The following MAF variants were observed in gnomAD, a reference collection of about 807,000 sequenced individuals.
The protein encoded by MAF is MAF bZIP transcription factor, also known as transcription factor Maf.
MAF carries 10 observed loss-of-function variants against 22.0 expected under a neutral mutation model. That is an observed-to-expected ratio of 0.45 (90% CI 0.28 to 0.77). MAF has a LOEUF of 0.77. Among genes scored for constraint, MAF ranks in the 30% least tolerant of loss-of-function variants. The probability of loss-of-function intolerance (pLI) is 0.12; values close to 1 mark genes in which losing one functional copy is unlikely to be tolerated. For missense variants in MAF, 544 were observed against 548.4 expected, an observed-to-expected ratio of 0.99 and a Z score of 0.08; for synonymous variants, 337 against 255.8, an observed-to-expected ratio of 1.32 and a Z score of -3.03.
chr16:79,338,328 G>A, the MAF span, among the ~76,000 whole-genome samples: 1 of 152,170 alleles, frequency 6.6e-6, no homozygotes, highest in South Asian at 2.1e-4. Flanking sequence ...GTCACAGAGT[G>A]AGATCTCTAC....
At chr16:79,356,621 A>T in the MAF span, among the ~76,000 whole-genome samples, 1 of 151,896 alleles carries the variant, frequency 6.6e-6, no homozygotes, top group Non-Finnish European at 1.5e-5. Flanking sequence ...TTCCTTCACC[A>T]TTCACTCCAC....
At chr16:79,351,054 C>T in the MAF span, among the ~76,000 whole-genome samples, 1 of 152,134 alleles carries the variant, frequency 6.6e-6, no homozygotes, top group Non-Finnish European at 1.5e-5. Context: ...GAAGCCTGAT[C>T]CTTGCTCTGC....
chr16:79,587,216 G>A (rs1912901074), intron 1 of MAF, among the ~76,000 whole-genome samples: 1 of 152,062 alleles, frequency 6.6e-6, no homozygotes, highest in African/African-American at 2.4e-5. Context: ...GTATAGAAAT[G>A]CTTTTCAAAT....
chr16:79,535,997 T>C, the MAF span, among the ~76,000 whole-genome samples: 2 of 152,234 alleles, frequency 1.3e-5, no homozygotes, highest in Non-Finnish European at 2.9e-5. Flanking sequence ...TGGCAGTATT[T>C]ATAGAATCAG....
the MAF span, among the ~76,000 whole-genome samples, chr16:79,344,729 T>C: frequency 2.6e-5 from 4 of 152,226 alleles, no homozygotes; most frequent in Admixed American, 2.6e-4. Flanking sequence ...GGTTATACCA[T>C]CCTGTTTATT....
At chr16:79,269,528 C>G in the MAF span, among the ~76,000 whole-genome samples, 1 of 152,080 alleles carries the variant, frequency 6.6e-6, no homozygotes, top group South Asian at 2.1e-4. Context: ...TGTCACCAGG[C>G]TTTAAAAAAA....
the MAF span, among the ~76,000 whole-genome samples, chr16:79,346,623 T>C: frequency 1.3e-5 from 2 of 152,140 alleles, no homozygotes; most frequent in Non-Finnish European, 2.9e-5. Flanking sequence ...TTCATTTTAT[T>C]ATTTGAGGTG....
chr16:79,508,369 C>G, the MAF span, among the ~76,000 whole-genome samples: 1 of 152,180 alleles, frequency 6.6e-6, no homozygotes, highest in Non-Finnish European at 1.5e-5. Flanking sequence ...CTCCTTCCCT[C>G]TCTGTGGGGT....
At chr16:79,525,220 G>C in the MAF span, among the ~76,000 whole-genome samples, 5 of 151,908 alleles carry the variant, frequency 3.3e-5, no homozygotes, top group African/African-American at 1.2e-4. Flanking sequence ...ATTTTAATCA[G>C]GCACTTAAAA....
the MAF span, among the ~76,000 whole-genome samples, chr16:79,259,524 C>A: frequency 6.6e-6 from 1 of 152,160 alleles, no homozygotes; most frequent in Admixed American, 6.5e-5. Context: ...TCCTTCATGG[C>A]CACACACATC....
the MAF span, among the ~76,000 whole-genome samples, chr16:79,429,306 G>C: frequency 6.6e-6 from 1 of 152,160 alleles, no homozygotes; most frequent in African/African-American, 2.4e-5. Flanking sequence ...TGCTGGCAGA[G>C]AATTAACAGG....
the MAF span, among the ~76,000 whole-genome samples, chr16:79,570,604 G>A: frequency 6.6e-6 from 1 of 152,192 alleles, no homozygotes; most frequent in African/African-American, 2.4e-5. Flanking sequence ...CTCACGCAAT[G>A]GTGTGCCGCT....
chr16:79,471,493 G>A, the MAF span, among the ~76,000 whole-genome samples: 14 of 152,158 alleles, frequency 9.2e-5, no homozygotes, highest in African/African-American at 3.4e-4. Flanking sequence ...GTAAAGACAG[G>A]CTAACTCCTG....
chr16:79,324,292 A>C, the MAF span, among the ~76,000 whole-genome samples: 9 of 152,170 alleles, frequency 5.9e-5, no homozygotes, highest in Admixed American at 3.3e-4. Context: ...TTGGTCTTTG[A>C]GCAACATGGG....
At chr16:79,376,925 G>C in the MAF span, among the ~76,000 whole-genome samples, 4 of 152,284 alleles carry the variant, frequency 2.6e-5, no homozygotes, top group African/African-American at 9.6e-5. Flanking sequence ...GTCTATCATT[G>C]TTGGACATTT....
the MAF span, among the ~76,000 whole-genome samples, chr16:79,466,494 A>T: frequency 6.6e-6 from 1 of 152,178 alleles, no homozygotes; most frequent in African/African-American, 2.4e-5. Flanking sequence ...TAATAAAAAG[A>T]ATCCTGAATT....
the MAF span, among the ~76,000 whole-genome samples, chr16:79,496,212 G>C: frequency 6.6e-6 from 1 of 152,192 alleles, no homozygotes; most frequent in African/African-American, 2.4e-5. Context: ...ATGGAAATAA[G>C]TCTTAACTTT....
At chr16:79,224,520 CAAGAG>C in the MAF span, among the ~76,000 whole-genome samples, 11 of 152,010 alleles carry the variant, frequency 7.2e-5, no homozygotes, top group Non-Finnish European at 1.6e-4. Flanking sequence ...GACAATCAGA[CAAGAG>C]AAAGAAATAA....
chr16:79,223,552 C>CA, the MAF span, among the ~76,000 whole-genome samples: 3 of 152,016 alleles, frequency 2.0e-5, no homozygotes, highest in Non-Finnish European at 4.4e-5. Context: ...AAAAACCCTT[C>CA]AAAAAATCAA....
Sources: gnomAD v4.1 joint callset for allele counts (sites outside exome capture counted in the v4.1 genomes callset) on GRCh38, gnomAD v4.1.1 for gene constraint, MANE v1.5 for transcripts, NCBI Gene and HGNC (gene_info 2026-07-23, HGNC 2026-07-21) for gene names.